Variants in CAMK4 observed in about 807,000 individuals in gnomAD.
CAMK4 encodes the protein calcium/calmodulin-dependent protein kinase type IV.
In CAMK4, 22 loss-of-function variants were observed where a neutral mutation model predicts 44.9. The observed-to-expected ratio is 0.49, with a 90% confidence interval of 0.35 to 0.70. The LOEUF is 0.70. Among genes scored for constraint, CAMK4 ranks in the 30% least tolerant of loss-of-function variants. The pLI, the probability that CAMK4 is intolerant of heterozygous loss-of-function variation, is 0.01. For missense variants in CAMK4, 498 were observed against 586.8 expected, an observed-to-expected ratio of 0.85 and a Z score of 1.56; for synonymous variants, 218 against 215.4, an observed-to-expected ratio of 1.01 and a Z score of -0.11.
chr5:111,467,590 A>C (rs944673319), intron 7 of CAMK4, among the ~76,000 whole-genome samples: 1 of 152,162 alleles, frequency 6.6e-6, no homozygotes, highest in Non-Finnish European at 1.5e-5. Flanking sequence ...GCTAACAAAC[A>C]TATGAAAAAA....
At chr5:111,231,913 TA>T (rs1436082831) in intron 1 of CAMK4, among the ~76,000 whole-genome samples, 17 of 152,270 alleles carry the variant, frequency 1.1e-4, no homozygotes, top group Non-Finnish European at 2.2e-4. Flanking sequence ...ATTTCTTCCT[TA>T]AAAAAGAGAT....
intron 5 of CAMK4, among the ~76,000 whole-genome samples, chr5:111,399,209 T>C (rs456530): frequency 0.54 from 82,109 of 151,928 alleles, 22,988 homozygotes; most frequent in African/African-American, 0.7. Flanking sequence ...TTCCGACCCT[T>C]AGAAAGGTCT....
At chr5:111,432,781 A>G (rs1177088430) in intron 5 of CAMK4, among the ~76,000 whole-genome samples, 3 of 151,860 alleles carry the variant, frequency 2.0e-5, no homozygotes, top group Admixed American at 2.0e-4. Flanking sequence ...ATTTGTTGAT[A>G]TATACCAGAG....
chr5:111,356,186 A>G (rs1333034085), intron 2 of CAMK4, among the ~76,000 whole-genome samples: 14 of 147,990 alleles, frequency 9.5e-5, no homozygotes, highest in Non-Finnish European at 1.8e-4. Context: ...CTTTTTAATG[A>G]TTGCCATTCT....
intron 2 of CAMK4, among the ~76,000 whole-genome samples, chr5:111,350,133 A>G (rs1011409389): frequency 1.3e-5 from 2 of 152,142 alleles, no homozygotes; most frequent in African/African-American, 2.4e-5. Flanking sequence ...ATATCTCTCA[A>G]TCTGTTTTTT....
Position 111,348,892 on chromosome 5 carries a change from C to T in CAMK4, c.240+4790C>T, listed in dbSNP as rs76104981. On this transcript the variant is annotated intron_variant, in intron 2 of 10. Transcript: ENST00000282356. ...TGCACTCTCTAAATGTTATGACAAA[C>T]ATCAGTGACTCACTGTTATAAATGT... 2.7e-3 allele frequency among the ~76,000 whole-genome samples: 418 copies of T among 152,118 alleles called. 3 individuals are homozygous for T. Among genetic ancestry groups the T allele is most frequent in the African/African-American group, 9.7e-3 (405 of 41,542 alleles).
chr5:111,295,344 A>T (rs902718787), intron 1 of CAMK4, among the ~76,000 whole-genome samples: 1 of 152,218 alleles, frequency 6.6e-6, no homozygotes, highest in Non-Finnish European at 1.5e-5. Context: ...ATGCAGCACC[A>T]TGCTCACTTC....
At chr5:111,450,165 A>G (rs1754176363) in intron 7 of CAMK4, among the ~76,000 whole-genome samples, 1 of 151,986 alleles carries the variant, frequency 6.6e-6, no homozygotes, top group South Asian at 2.1e-4. Flanking sequence ...CTAAAAAAAA[A>G]TAAATAAAAT....
At chr5:111,388,196 G>A (rs1328599678) in intron 4 of CAMK4, among the ~76,000 whole-genome samples, 1 of 152,114 alleles carries the variant, frequency 6.6e-6, no homozygotes, top group Non-Finnish European at 1.5e-5. Context: ...AATGAGGTGG[G>A]GAGGCACTTG....
chr5:111,286,662 A>T (rs1045190374), intron 1 of CAMK4, among the ~76,000 whole-genome samples: 1 of 152,218 alleles, frequency 6.6e-6, no homozygotes, highest in Non-Finnish European at 1.5e-5. Flanking sequence ...AGTTCACCTT[A>T]TGCAGATTTA....
chr5:111,394,747 G>T lies in CAMK4; in HGVS notation c.424G>T (p.Ala142Ser). Residue 142 changes from alanine to serine, a missense_variant, in exon 5 of 11, where the codon GCA becomes TCA. Physicochemically the swap from Ala to Ser is moderately conservative, Grantham distance 99 (BLOSUM62 1). Around this residue, in one of 3 missense-constraint regions of CAMK4, gnomAD observed 203 missense variants for 298.2 expected, o/e 0.68. Transcript: ENST00000282356. ...GGGATATTACAGTGAGCGAGATGCT[G>T]CAGATGCCGTTAAACAAATCCTGGA... ...EKGYYSERDA[A>S]DAVKQILEAV... is the part of the protein sequence containing the mutation. 1 of 1,613,030 alleles carries T rather than the reference G, an allele frequency of 6.2e-7. No homozygotes were observed. Among genetic ancestry groups the T allele is most frequent in the Non-Finnish European group, 8.5e-7 (1 of 1,179,260 alleles).
chr5:111,312,024 A>T (rs1290170626), intron 1 of CAMK4, among the ~76,000 whole-genome samples: 1 of 152,228 alleles, frequency 6.6e-6, no homozygotes, highest in Non-Finnish European at 1.5e-5. Context: ...GTTTCATCCT[A>T]GAAAATGTTA....
intron 5 of CAMK4, among the ~76,000 whole-genome samples, chr5:111,420,658 G>A (rs987091940): frequency 9.2e-5 from 14 of 152,262 alleles, no homozygotes; most frequent in Admixed American, 3.3e-4. Flanking sequence ...TGAGGGGGCC[G>A]TTTATAGGCC....
intron 8 of CAMK4, 137 bp downstream of exon 8, chr5:111,473,523 A>T: frequency 1.6e-6 from 1 of 616,752 alleles, no homozygotes; most frequent in Non-Finnish European, 2.8e-6. Context: ...AAATGCAGTT[A>T]GTGATAGAAT....
chr5:111,295,543 A>T (rs1467185223), intron 1 of CAMK4, among the ~76,000 whole-genome samples: 3 of 152,214 alleles, frequency 2.0e-5, no homozygotes, highest in African/African-American at 7.2e-5. Context: ...GATGAGCTCA[A>T]CCCAGATCTG....
intron 1 of CAMK4, among the ~76,000 whole-genome samples, chr5:111,336,532 G>C (rs1024145463): frequency 1.3e-5 from 2 of 150,572 alleles, no homozygotes; most frequent in African/African-American, 4.9e-5. Context: ...TCTTCTTTTA[G>C]CTTACTCTTT....
chr5:111,295,994 A>G (rs886082668), intron 1 of CAMK4, among the ~76,000 whole-genome samples: 16 of 152,272 alleles, frequency 1.1e-4, no homozygotes, highest in African/African-American at 3.6e-4. Context: ...ATGGTATAAT[A>G]TGATGACCAT....
chr5:111,274,852 G>A (rs1750687116), intron 1 of CAMK4, among the ~76,000 whole-genome samples: 1 of 151,772 alleles, frequency 6.6e-6, no homozygotes, highest in African/African-American at 2.4e-5. Flanking sequence ...CTTAAAATGT[G>A]TCCATTTCAT....
At chr5:111,343,152 CTT>C (rs1350133040) in intron 1 of CAMK4, among the ~76,000 whole-genome samples, 1 of 151,662 alleles carries the variant, frequency 6.6e-6, no homozygotes, top group Non-Finnish European at 1.5e-5. Context: ...ACACACCAGT[CTT>C]TGACTTCTCT....
Sources: allele counts gnomAD v4.1 joint callset (sites outside exome capture counted in the v4.1 genomes callset), GRCh38; gene constraint gnomAD v4.1.1; regional missense constraint gnomAD v4.1.1; transcripts MANE v1.5; gene names NCBI Gene and HGNC (gene_info 2026-07-23, HGNC 2026-07-21).